Variants in CHAF1A observed in about 807,000 individuals in gnomAD.
CHAF1A encodes the protein CAF-1 subunit A.
In CHAF1A, 5 loss-of-function variants were observed where a neutral mutation model predicts 93.2. The observed-to-expected ratio is 0.05, with a 90% CI of 0.03 to 0.11. The LOEUF (loss-of-function observed/expected upper bound fraction) is 0.11, where lower values mean the gene tolerates loss of function less well. Ranked by LOEUF, CHAF1A falls within the 10% of genes least tolerant of loss-of-function variation. The pLI is 1.00. For synonymous variants in CHAF1A, 504 were observed against 510.3 expected, an observed-to-expected ratio of 0.99 and a Z score of 0.17; for missense variants, 1,102 against 1,259.9, an observed-to-expected ratio of 0.87 and a Z score of 1.90.
intron 3 of CHAF1A, among the ~76,000 whole-genome samples, chr19:4,414,342 G>A (rs140234282): frequency 1.8e-3 from 266 of 151,576 alleles, no homozygotes; most frequent in African/African-American, 5.5e-3. Flanking sequence ...CAGAGGTTGC[G>A]GTGAGTCATG....
intron 13 of CHAF1A, among the ~76,000 whole-genome samples, chr19:4,439,013 G>T (rs1022858139): frequency 1.3e-5 from 2 of 151,416 alleles, no homozygotes; most frequent in African/African-American, 4.9e-5. Flanking sequence ...GGGTGCAGTG[G>T]CTCACGCTTG....
the CHAF1A span, chr19:4,450,758 C>CAAAAAAAAAAA: frequency 2.3e-5 from 1 of 43,776 alleles, no homozygotes; most frequent in African/African-American, 9.5e-5. Flanking sequence ...GACTCTGTCT[C>CAAAAAAAAAAA]AAAAAAAAAA....
Position 4,402,724 on chromosome 19 carries a change from C to T in CHAF1A, c.-39C>T. ...GCGGCCGCCTGAGGGGAGCCCGCGC[C>T]TCCGCCGCCTGAGAGGAGGTCGAGC... On this transcript the variant is annotated 5_prime_UTR_variant, in exon 1 of 15. Coordinates refer to ENST00000301280, the MANE Select transcript of CHAF1A (RefSeq NM_005483.3). 2 of 1,189,520 alleles carry T rather than the reference C, an allele frequency of 1.7e-6. No individual in the cohort carries two copies. The highest frequency in any genetic ancestry group is 1.0e-6 in the Non-Finnish European group (1 of 958,232). 73.7% of individuals were successfully genotyped at this position (1,189,520 alleles called of 1,614,324 possible). A position where few individuals can be genotyped will look rare whatever the true frequency, so the allele number is the denominator to read the frequency against.
At chr19:4,419,126 C>T (rs778855508) in intron 4 of CHAF1A, among the ~76,000 whole-genome samples, 33 of 151,150 alleles carry the variant, frequency 2.2e-4, no homozygotes, top group Non-Finnish European at 3.4e-4. Flanking sequence ...GCAATCCTCC[C>T]GTCTCAGCCT....
At chr19:4,425,225 G>A (rs796596599) in intron 7 of CHAF1A, among the ~76,000 whole-genome samples, 7 of 151,308 alleles carry the variant, frequency 4.6e-5, no homozygotes, top group African/African-American at 1.7e-4. Context: ...ATAATGCAAT[G>A]ATATGGTTTC....
chr19:4,410,505 C>G (rs904368702), intron 3 of CHAF1A, among the ~76,000 whole-genome samples: 5 of 151,922 alleles, frequency 3.3e-5, no homozygotes, highest in South Asian at 2.1e-4. Flanking sequence ...CTCAGCATCC[C>G]TGATAGCTGG....
chr19:4,448,608 G>C (rs1050795431), downstream of CHAF1A: 2 of 600,550 alleles, frequency 3.3e-6, no homozygotes, highest in South Asian at 2.0e-5. Flanking sequence ...GGGCAGAGGC[G>C]ACGCAGCCAA....
chr19:4,410,450 G>A (rs1304949545), intron 3 of CHAF1A, among the ~76,000 whole-genome samples: 2 of 146,332 alleles, frequency 1.4e-5, no homozygotes, highest in African/African-American at 5.1e-5. Context: ...GCGTGATCTC[G>A]GCTCACTGCA....
Position 4,417,543 on chromosome 19 carries a change from C to T in CHAF1A, c.961-477C>T, listed in dbSNP as rs181422056. On this transcript the variant is annotated intron_variant, in intron 3 of 14. Transcript: ENST00000301280. ...TGGCGCAATCTCGGCTCACTGCAAC[C>T]TCCTTCTCCTGGGTTCAAGCGATTC... Among the ~76,000 whole-genome samples the T allele has an allele frequency of 8.9e-4, 133 of 150,260 alleles. No individual in the cohort carries two copies. The East Asian group carries it at 0.011, about 12-fold the overall frequency.
chr19:4,409,547 C>G lies in CHAF1A; in HGVS notation c.748C>G (p.Pro250Ala). 1 of 1,614,092 alleles carries G rather than the reference C, an allele frequency of 6.2e-7. No individual in the cohort carries two copies. The highest frequency in any genetic ancestry group is 8.5e-7 in the Non-Finnish European group (1 of 1,180,010). ...VVLQDILAVR[P>A]PQIKSLPATP... ...CTTGCAGGACATCTTGGCTGTGAGA[C>G]CACCGCAAATCAAGTCCCTTCCAGC... Residue 250 changes from proline to alanine, a missense_variant, in exon 3 of 15, where the codon CCA becomes GCA. Pro to Ala is a conservative substitution (Grantham distance 27). Coordinates refer to ENST00000301280, the MANE Select transcript of CHAF1A (RefSeq NM_005483.3).
chr19:4,419,627 C>T (rs191262785), intron 4 of CHAF1A, among the ~76,000 whole-genome samples: 2 of 151,904 alleles, frequency 1.3e-5, no homozygotes, highest in African/African-American at 2.4e-5. Flanking sequence ...GACAGGGTTT[C>T]GCTATGTTTG....
the CHAF1A span, chr19:4,450,784 AAAG>A: frequency 2.7e-5 from 4 of 150,742 alleles, no homozygotes; most frequent in African/African-American, 9.7e-5. Flanking sequence ...AAAAAAAAAA[AAAG>A]AGTGCCTACA....
intron 4 of CHAF1A, among the ~76,000 whole-genome samples, chr19:4,421,342 G>A (rs1973987750): frequency 6.6e-6 from 1 of 152,010 alleles, no homozygotes; most frequent in Admixed American, 6.6e-5. Flanking sequence ...CCAAAGTGCT[G>A]GGATTATAGG....
chr19:4,421,729 C>G (rs1196062830), intron 4 of CHAF1A, among the ~76,000 whole-genome samples: 2 of 152,196 alleles, frequency 1.3e-5, no homozygotes, highest in Non-Finnish European at 2.9e-5. Flanking sequence ...CCAGCTATGA[C>G]TGCACCACTG....
intron 2 of CHAF1A, among the ~76,000 whole-genome samples, chr19:4,407,175 C>A (rs946347817): frequency 6.6e-6 from 1 of 151,766 alleles, no homozygotes; most frequent in African/African-American, 2.4e-5. Context: ...GCCAAGGGTG[C>A]GCCACTGCAC....
intron 8 of CHAF1A, 55 bp downstream of exon 8, chr19:4,428,945 C>T: frequency 6.7e-7 from 1 of 1,493,506 alleles, no homozygotes; most frequent in Non-Finnish European, 9.3e-7. Context: ...AGGCCAGCAT[C>T]CTGAACCCTG....
At chr19:4,411,704 A>G (rs243351) in intron 3 of CHAF1A, among the ~76,000 whole-genome samples, 138,004 of 140,830 alleles carry the variant, frequency 0.98, 67,632 homozygotes, top group Non-Finnish European at 0.98. Flanking sequence ...CTGGAGGGCA[A>G]TGGCATGGTC....
At chr19:4,437,327 A>G (rs572130144) in intron 13 of CHAF1A, among the ~76,000 whole-genome samples, 9 of 151,988 alleles carry the variant, frequency 5.9e-5, no homozygotes, top group African/African-American at 2.2e-4. Context: ...GAAGCACATG[A>G]GCCCGGATGG....
At chr19:4,412,056 C>G (rs1973815464) in intron 3 of CHAF1A, among the ~76,000 whole-genome samples, 1 of 152,206 alleles carries the variant, frequency 6.6e-6, no homozygotes, top group African/African-American at 2.4e-5. Flanking sequence ...GTACCCTCTT[C>G]TAAGTTACTA....
Sources: gnomAD v4.1 joint callset for allele counts (sites outside exome capture counted in the v4.1 genomes callset) on GRCh38, gnomAD v4.1.1 for gene constraint, MANE v1.5 for transcripts, NCBI Gene and HGNC (gene_info 2026-07-23, HGNC 2026-07-21) for gene names.